The following TBXAS1 variants were observed in gnomAD, a reference collection of about 807,000 sequenced individuals.
TBXAS1 encodes thromboxane-A synthase.
TBXAS1 carries 48 observed loss-of-function variants against 60.7 expected under a neutral mutation model. That is an observed-to-expected ratio of 0.79 (90% CI 0.63 to 1.01). The LOEUF (loss-of-function observed/expected upper bound fraction) is 1.01, where lower values mean the gene tolerates loss of function less well. Among genes scored for constraint, TBXAS1 ranks in the 50% least tolerant of loss-of-function variants. TBXAS1 has a pLI of 0.00. For synonymous variants in TBXAS1, 287 were observed against 269.7 expected, an observed-to-expected ratio of 1.06 and a Z score of -0.63; for missense variants, 685 against 686.3, an observed-to-expected ratio of 1.00 and a Z score of 0.02.
At chr7:139,888,438 T>C (rs905893681) in intron 3 of TBXAS1, among the ~76,000 whole-genome samples, 1 of 152,368 alleles carries the variant, frequency 6.6e-6, no homozygotes, top group South Asian at 2.1e-4. Flanking sequence ...CTGGGCTTCC[T>C]ACCTTGAGTA....
chr7:139,991,351 C>T (rs1006526884), intron 9 of TBXAS1, among the ~76,000 whole-genome samples: 13 of 149,526 alleles, frequency 8.7e-5, no homozygotes, highest in African/African-American at 3.2e-4. Context: ...TATGTTGCCA[C>T]GGTGCCCACA....
chr7:139,932,098 C>T (rs1262112969), intron 4 of TBXAS1, among the ~76,000 whole-genome samples: 4 of 142,594 alleles, frequency 2.8e-5, no homozygotes, highest in Non-Finnish European at 6.0e-5. Flanking sequence ...ACCCAGGAGG[C>T]GGAGCTTGCA....
intron 4 of TBXAS1, among the ~76,000 whole-genome samples, chr7:139,928,051 G>A (rs887794983): frequency 5.9e-5 from 9 of 152,078 alleles, no homozygotes; most frequent in African/African-American, 1.9e-4. Flanking sequence ...TGTAATAGTG[G>A]ACATAGTTGT....
intron 3 of TBXAS1, among the ~76,000 whole-genome samples, chr7:139,886,095 C>T (rs1353115939): frequency 6.6e-6 from 1 of 152,158 alleles, no homozygotes; most frequent in Non-Finnish European, 1.5e-5. Context: ...CAAAGTAATT[C>T]CTTAGCAAGG....
At chr7:139,934,173 T>C (rs1807557053) in intron 4 of TBXAS1, among the ~76,000 whole-genome samples, 2 of 152,088 alleles carry the variant, frequency 1.3e-5, no homozygotes, top group Admixed American at 1.3e-4. Context: ...TGAGGGCCAA[T>C]GCAAAGTCTT....
At position 139,955,894 on chromosome 7, in the gene TBXAS1, C is replaced by T. The variant is rs113276706; in HGVS notation, c.688+287C>T. 6.3e-3 allele frequency among the ~76,000 whole-genome samples: 958 copies of T among 152,356 alleles called. 9 individuals carry two copies. The highest frequency in any genetic ancestry group is 0.019 in the African/African-American group (776 of 41,592). ...TAGGCACGGGGTGTGCGTTGCCTCA[C>T]TTAGTCCTAGTACTCACCCTATGAG... On this transcript the variant is annotated intron_variant, in intron 7 of 12. Coordinates refer to ENST00000448866, the MANE Select transcript of TBXAS1 (RefSeq NM_001061.7).
chr7:139,935,371 C>A (rs1241474154), intron 4 of TBXAS1, among the ~76,000 whole-genome samples: 1 of 152,186 alleles, frequency 6.6e-6, no homozygotes, highest in Non-Finnish European at 1.5e-5. Flanking sequence ...GTTCTCTGGA[C>A]AGAGCAAATT....
chr7:139,844,940 G>A (rs1799700779), intron 1 of TBXAS1, among the ~76,000 whole-genome samples: 1 of 152,080 alleles, frequency 6.6e-6, no homozygotes, highest in African/African-American at 2.4e-5. Context: ...TGGTGAGAGA[G>A]GGCTGGGACA....
At chr7:139,807,476 C>T (rs939407424) in intron 4 of TBXAS1, among the ~76,000 whole-genome samples, 5 of 152,040 alleles carry the variant, frequency 3.3e-5, no homozygotes, top group Admixed American at 6.6e-5. Context: ...CTCCGCCTCC[C>T]GGGTTCAAGT....
At chr7:139,834,307 C>CT (rs1798916330) in intron 1 of TBXAS1, among the ~76,000 whole-genome samples, 1 of 152,156 alleles carries the variant, frequency 6.6e-6, no homozygotes, top group South Asian at 2.1e-4. Flanking sequence ...TGGGATATAG[C>CT]TAAGGCAGTG....
At chr7:140,018,748 C>T (rs556503422) in intron 12 of TBXAS1, among the ~76,000 whole-genome samples, 10 of 152,336 alleles carry the variant, frequency 6.6e-5, no homozygotes, top group Non-Finnish European at 8.8e-5. Flanking sequence ...CTGCAGGCTT[C>T]GTGATGGCAG....
At chr7:140,019,688 AC>A (rs757391597) in intron 12 of TBXAS1, among the ~76,000 whole-genome samples, 7 of 152,194 alleles carry the variant, frequency 4.6e-5, no homozygotes, top group Non-Finnish European at 8.8e-5. Context: ...CCAGTCCACC[AC>A]TGGCTCTGCC....
intron 4 of TBXAS1, among the ~76,000 whole-genome samples, chr7:139,925,141 T>C (rs1452102502): frequency 1.3e-5 from 2 of 152,190 alleles, no homozygotes; most frequent in Non-Finnish European, 2.9e-5. Context: ...CTATTTTGGG[T>C]CTTTTGTGTT....
chr7:139,786,246 A>G (rs771770446), intron 3 of TBXAS1, among the ~76,000 whole-genome samples: 4 of 151,800 alleles, frequency 2.6e-5, no homozygotes, highest in Non-Finnish European at 4.4e-5. Context: ...CTGCCTCATC[A>G]GTAGAAATTA....
intron 12 of TBXAS1, among the ~76,000 whole-genome samples, chr7:140,018,696 C>T (rs1815296321): frequency 6.6e-6 from 1 of 152,334 alleles, no homozygotes; most frequent in African/African-American, 2.4e-5. Context: ...GGAATCAAAG[C>T]TCAGAGAGGT....
rs1052319650 is a variant in TBXAS1, at chr7:139,975,128, C to T, written c.1134+12895C>T. The stretch of plus-strand genomic sequence containing the variant: ...CAGAAAACCTCAGTTTTTGCTCTTA[C>T]GGCCTTCAACCGATTGGATGAGGCA... On this transcript the variant is annotated intron_variant, in intron 9 of 12. Coordinates refer to ENST00000448866, the MANE Select transcript of TBXAS1 (RefSeq NM_001061.7). The surrounding 1 kb of genome is among the most constrained non-coding windows in gnomAD (Gnocchi z 4.4). Among the ~76,000 whole-genome samples, 2 of 152,200 alleles carry T rather than the reference C, an allele frequency of 1.3e-5. No individual in the cohort carries two copies. Among genetic ancestry groups the T allele is most frequent in the East Asian group, 1.9e-4 (1 of 5,202 alleles).
intron 3 of TBXAS1, 27 bp from the exon 4 acceptor site, chr7:139,911,198 T>C (rs1805488072): frequency 1.2e-6 from 2 of 1,601,074 alleles, no homozygotes; most frequent in South Asian, 2.2e-5. Context: ...ATGCAACACA[T>C]TTTAATGCAT....
rs574185514 is a variant in TBXAS1, at chr7:139,839,030, G to A, written c.89+9551G>A. ...GAGTTGAACGTTGCTCGAGGCAACC[G>A]TAAGTCCTAGCGTATTTAATCTTTC... is the stretch of plus-strand genomic sequence containing the variant. On this transcript the variant is annotated intron_variant, in intron 1 of 12. Transcript: ENST00000448866. Among the ~76,000 whole-genome samples the A allele has an allele frequency of 2.1e-3, 327 of 152,324 alleles. 1 individual carries two copies. Among genetic ancestry groups the A allele is most frequent in the African/African-American group, 7.4e-3 (307 of 41,562 alleles).
intron 4 of TBXAS1, among the ~76,000 whole-genome samples, chr7:139,798,988 G>A (rs1797642812): frequency 6.6e-6 from 1 of 151,518 alleles, no homozygotes; most frequent in African/African-American, 2.4e-5. Context: ...CTCAGAACCA[G>A]CCTCCTTCTC....
Sources: allele counts gnomAD v4.1 joint callset (sites outside exome capture counted in the v4.1 genomes callset), GRCh38; gene constraint gnomAD v4.1.1; non-coding constraint Gnocchi (gnomAD v3.1); transcripts MANE v1.5; gene names NCBI Gene and HGNC (gene_info 2026-07-23, HGNC 2026-07-21).